The following SYN2 variants were observed in gnomAD, a reference collection of about 807,000 sequenced individuals.
SYN2 encodes synapsin II.
Under a neutral mutation model 50.9 loss-of-function variants are expected in SYN2, and 19 were observed. The ratio of observed to expected loss-of-function variants is 0.37; its 90% CI spans 0.26 to 0.55. The LOEUF is 0.55. Ranked by LOEUF, SYN2 falls within the 20% of genes least tolerant of loss-of-function variation. The pLI is 0.81. For missense variants in SYN2, 587 were observed against 576.4 expected, an observed-to-expected ratio of 1.02 and a Z score of -0.19; for synonymous variants, 255 against 224.9, an observed-to-expected ratio of 1.13 and a Z score of -1.20.
At chr3:12,119,840 C>T (rs1178618550) in intron 1 of SYN2, among the ~76,000 whole-genome samples, 1 of 152,138 alleles carries the variant, frequency 6.6e-6, no homozygotes, top group East Asian at 1.9e-4. Context: ...TCTATCTGGA[C>T]CTTCCCTTCA....
chr3:12,133,365 T>C (rs1286463108), intron 1 of SYN2, among the ~76,000 whole-genome samples: 1 of 152,196 alleles, frequency 6.6e-6, no homozygotes, highest in Non-Finnish European at 1.5e-5. Context: ...ATAAATTAGA[T>C]AACAAATCCA....
chr3:12,152,927 T>TGGAA (rs1317393500), intron 5 of SYN2: 1 of 176,462 alleles, frequency 5.7e-6, no homozygotes, highest in African/African-American at 2.3e-5. Context: ...ATAACAGCAT[T>TGGAA]GGAAGGCAGG....
chr3:12,012,503 T>A (rs1187844876), intron 1 of SYN2, among the ~76,000 whole-genome samples: 1 of 152,254 alleles, frequency 6.6e-6, no homozygotes, highest in African/African-American at 2.4e-5. Flanking sequence ...TAGTTGCTCA[T>A]TGTGCTTATT....
intron 1 of SYN2, among the ~76,000 whole-genome samples, chr3:12,043,719 G>A (rs1385201684): frequency 2.0e-5 from 3 of 152,102 alleles, no homozygotes. Flanking sequence ...AATGCACCGT[G>A]GATTAGTCAA....
chr3:12,044,181 T>TCTCTCACA (rs573246278), intron 1 of SYN2, among the ~76,000 whole-genome samples: 81 of 53,396 alleles, frequency 1.5e-3, no homozygotes, highest in African/African-American at 3.7e-3. Flanking sequence ...TCTCTCTCTC[T>TCTCTCACA]CACACACACA....
chr3:12,152,399 C>G (rs1697324247), intron 5 of SYN2, among the ~76,000 whole-genome samples: 1 of 152,168 alleles, frequency 6.6e-6, no homozygotes, highest in South Asian at 2.1e-4. Context: ...CTGAGGAGCC[C>G]TGAGGGTCCT....
rs1440203159 is a variant in SYN2, at chr3:12,101,688, T to A, written c.378-38963T>A. Among the ~76,000 whole-genome samples, 3 of 152,116 alleles carry A rather than the reference T, an allele frequency of 2.0e-5. No homozygotes were observed. The East Asian group carries it at 5.8e-4, about 29-fold the overall frequency. On this transcript the variant is annotated intron_variant, in intron 1 of 12. Transcript: ENST00000621198. The stretch of plus-strand genomic sequence containing the variant: ...GATACAAGGAAGAAAAGTATAGAGA[T>A]CTGAGAAGAAAATGGAGGTAAATTA...
At chr3:12,047,560 G>A (rs1694766499) in intron 1 of SYN2, among the ~76,000 whole-genome samples, 1 of 152,130 alleles carries the variant, frequency 6.6e-6, no homozygotes, top group African/African-American at 2.4e-5. Context: ...GCAGCTTGGG[G>A]ACACAGAAAG....
At chr3:12,024,036 AG>A (rs1430450856) in intron 1 of SYN2, among the ~76,000 whole-genome samples, 1 of 152,044 alleles carries the variant, frequency 6.6e-6, no homozygotes, top group African/African-American at 2.4e-5. Context: ...GTGCAGAAAT[AG>A]TAAGTTTGTA....
chr3:12,043,033 T>G (rs1333040674), intron 1 of SYN2, among the ~76,000 whole-genome samples: 1 of 151,798 alleles, frequency 6.6e-6, no homozygotes, highest in East Asian at 1.9e-4. Flanking sequence ...TCTTTTTTTT[T>G]TTTTTGTGAG....
At chr3:12,098,467 G>C (rs1267634662) in intron 1 of SYN2, among the ~76,000 whole-genome samples, 1 of 152,114 alleles carries the variant, frequency 6.6e-6, no homozygotes, top group South Asian at 2.1e-4. Flanking sequence ...GAAAATTTTT[G>C]TAAACTATTG....
At chr3:12,023,706 G>A (rs1439600306) in intron 1 of SYN2, among the ~76,000 whole-genome samples, 1 of 152,314 alleles carries the variant, frequency 6.6e-6, no homozygotes, top group East Asian at 1.9e-4. Flanking sequence ...AGGGGAGTGA[G>A]TTGATAAGTG....
intron 1 of SYN2, among the ~76,000 whole-genome samples, chr3:12,025,052 C>G (rs975169328): frequency 6.6e-6 from 1 of 152,182 alleles, no homozygotes; most frequent in Admixed American, 6.5e-5. Flanking sequence ...TGATTGGGTT[C>G]TGGTGAGGGC....
At chr3:12,056,632 A>G (rs747344185) in intron 1 of SYN2, among the ~76,000 whole-genome samples, 2 of 152,328 alleles carry the variant, frequency 1.3e-5, no homozygotes, top group South Asian at 2.1e-4. Context: ...TTGACATTCA[A>G]AATGGATTAT....
intron 1 of SYN2, among the ~76,000 whole-genome samples, chr3:12,086,892 T>C (rs539215074): frequency 1.3e-5 from 2 of 152,236 alleles, no homozygotes; most frequent in Non-Finnish European, 2.9e-5. Context: ...AAATAAAAAG[T>C]ATCTAAATAG....
intron 1 of SYN2, among the ~76,000 whole-genome samples, chr3:12,015,568 C>A (rs1265656631): frequency 6.6e-6 from 1 of 152,160 alleles, no homozygotes; most frequent in African/African-American, 2.4e-5. Context: ...TATATAAAAT[C>A]TTTTTATAAA....
chr3:12,015,376 C>T (rs1694005706), intron 1 of SYN2, among the ~76,000 whole-genome samples: 1 of 152,148 alleles, frequency 6.6e-6, no homozygotes, highest in African/African-American at 2.4e-5. Context: ...GTGACTATAA[C>T]TTTTATTTCA....
intron 7 of SYN2, among the ~76,000 whole-genome samples, chr3:12,166,663 A>T (rs1697805903): frequency 6.6e-6 from 1 of 152,244 alleles, no homozygotes; most frequent in Non-Finnish European, 1.5e-5. Context: ...TGCTAATATT[A>T]TAGTGGCCTT....
intron 1 of SYN2, among the ~76,000 whole-genome samples, chr3:12,132,858 G>C (rs1696823282): frequency 2.0e-5 from 3 of 152,110 alleles, no homozygotes; most frequent in Admixed American, 2.0e-4. Flanking sequence ...TCACAGGACT[G>C]TCTTCAGGAA....
Sources: allele counts gnomAD v4.1 joint callset (sites outside exome capture counted in the v4.1 genomes callset), GRCh38; gene constraint gnomAD v4.1.1; transcripts MANE v1.5; gene names NCBI Gene and HGNC (gene_info 2026-07-23, HGNC 2026-07-21).